Variants in SPIRE1 observed in about 807,000 individuals in gnomAD.
SPIRE1 encodes the protein protein spire homolog 1.
A neutral mutation model predicts 94.1 loss-of-function variants in SPIRE1; 40 were observed. The observed-to-expected ratio is 0.43, with a 90% CI of 0.33 to 0.55. The LOEUF is 0.55. SPIRE1 is among the 20% of genes least tolerant of loss of function. The pLI is 0.06. For synonymous variants in SPIRE1, 376 were observed against 371.7 expected, an observed-to-expected ratio of 1.01 and a Z score of -0.13; for missense variants, 838 against 975.2, an observed-to-expected ratio of 0.86 and a Z score of 1.87.
In SPIRE1 at chr18:12,577,137, AATT is replaced by A. The variant is rs750080861; in HGVS notation, c.373-30236_373-30234del. On this transcript the variant is annotated intron_variant, in intron 2 of 16. Transcript: ENST00000409402. ...ACCCCTGCCTCATACCATATACAAA[AATT>A]ATTATTATTATTATTTTTATTTTTT... is the stretch of plus-strand genomic sequence containing the variant. Among the ~76,000 whole-genome samples the A allele has an allele frequency of 6.6e-4, 100 of 151,862 alleles. 2 individuals are homozygous for A. The highest frequency in any genetic ancestry group is 2.4e-3 in the African/African-American group (98 of 41,442).
chr18:12,484,145 T>C (rs1415186243), intron 9 of SPIRE1, among the ~76,000 whole-genome samples: 2 of 152,176 alleles, frequency 1.3e-5, no homozygotes, highest in African/African-American at 2.4e-5. Context: ...AATGTGTACC[T>C]AATTTAGATT....
At chr18:12,535,711 CT>C in intron 3 of SPIRE1, 110 bp from the exon 4 acceptor site, 1 of 935,668 alleles carries the variant, frequency 1.1e-6, no homozygotes, top group Non-Finnish European at 1.6e-6. Flanking sequence ...AATCCCAGCA[CT>C]TTGGGAGGCC....
intron 3 of SPIRE1, among the ~76,000 whole-genome samples, chr18:12,540,681 G>C (rs1016608337): frequency 3.3e-5 from 5 of 152,096 alleles, no homozygotes; most frequent in African/African-American, 1.2e-4. Flanking sequence ...TGGCCTCTCT[G>C]TTACTTTTTA....
chr18:12,479,020 GT>G (rs1053757112), intron 10 of SPIRE1, among the ~76,000 whole-genome samples: 66 of 151,946 alleles, frequency 4.3e-4, no homozygotes, highest in Admixed American at 1.4e-3. Flanking sequence ...TATGCAAAAT[GT>G]TTTTCTTAAC....
rs372489121 is a variant in SPIRE1, at chr18:12,506,508, C to A, written c.941G>T (p.Arg314Leu). ...TPYEMLMDDI[R>L]CKRYTLRKVM... is the part of the protein sequence containing the mutation. ...TTTTCGCAAGGTGTATCTTTTGCAGCGAATGTCATCCATTAACATCTCATA... is the reference window on the plus strand; with the variant it reads ...TTTTCGCAAGGTGTATCTTTTGCAGAGAATGTCATCCATTAACATCTCATA... Residue 314 changes from arginine to leucine, a missense_variant, in exon 6 of 17, where the codon CGC becomes CTC. Around this residue, in one of 2 missense-constraint regions of SPIRE1, gnomAD observed 645 missense variants for 804.7 expected, o/e 0.80. Transcript: ENST00000409402. The A allele has an allele frequency of 1.2e-5, 20 of 1,613,836 alleles. No homozygotes were observed. The highest frequency in any genetic ancestry group is 1.6e-5 in the Non-Finnish European group (19 of 1,179,972).
chr18:12,657,697 T>C lies in SPIRE1; in HGVS notation c.170A>G (p.Gln57Arg). 1 of 1,405,172 alleles carries C rather than the reference T, an allele frequency of 7.1e-7. No individual in the cohort carries two copies. The highest frequency in any genetic ancestry group is 9.3e-7 in the Non-Finnish European group (1 of 1,072,810). 87.0% of individuals were successfully genotyped at this position (1,405,172 alleles called of 1,614,324 possible). ...RLYNQPINEE[Q>R]AWAVCYQCCG... Reference sequence around the variant, plus strand: ...GCACTGGTAGCACACGGCCCACGCCTGCTCCTCGTTGATGGGCTGGTTGTA... The same window carrying C: ...GCACTGGTAGCACACGGCCCACGCCCGCTCCTCGTTGATGGGCTGGTTGTA... The change falls in exon 1 of 17, where the codon CAG (glutamine) becomes CGG (arginine). Residue 57 changes from glutamine to arginine, a missense_variant. Around this residue, in one of 2 missense-constraint regions of SPIRE1, gnomAD observed 193 missense variants for 170.5 expected, o/e 1.13. Transcript: ENST00000409402.
rs192756581 is a variant in SPIRE1, at chr18:12,448,654, T to C, written c.*984A>G. On this transcript the variant is annotated 3_prime_UTR_variant, in exon 17 of 17. Coordinates refer to ENST00000409402, the MANE Select transcript of SPIRE1 (RefSeq NM_001128626.2). The surrounding 1 kb of genome is among the most constrained non-coding windows in gnomAD (Gnocchi z 4.4). The stretch of plus-strand genomic sequence containing the variant: ...TTTAAAATTCATTTATAAAAATAAA[T>C]TTTAGTTTGAGACCCTAGGTACCAA... The C allele has an allele frequency of 2.5e-3, 384 of 152,286 alleles. No individual in the cohort carries two copies. Among genetic ancestry groups the C allele is most frequent in the African/African-American group, 8.9e-3 (368 of 41,554 alleles). The allele number at this position is 152,286 out of a possible 1,614,324, so 9.4% of individuals were successfully genotyped here. A position where few individuals can be genotyped will look rare whatever the true frequency, so the allele number is the denominator to read the frequency against.
At chr18:12,492,870 A>C (rs1473334056) in intron 8 of SPIRE1, among the ~76,000 whole-genome samples, 1 of 152,166 alleles carries the variant, frequency 6.6e-6, no homozygotes, top group Non-Finnish European at 1.5e-5. Flanking sequence ...CCACCCTATA[A>C]ATTTCAAGTA....
chr18:12,465,067 T>C (rs1001137269), intron 10 of SPIRE1, 109 bp from the exon 11 acceptor site: 106 of 923,044 alleles, frequency 1.1e-4, no homozygotes, highest in Non-Finnish European at 1.6e-4. Context: ...CACCAAAGTA[T>C]GTCAAAGGTT....
chr18:12,634,155 G>A (rs1286618951), intron 2 of SPIRE1, among the ~76,000 whole-genome samples: 2 of 152,064 alleles, frequency 1.3e-5, no homozygotes, highest in African/African-American at 4.8e-5. Flanking sequence ...GGCTGGGGCA[G>A]GAGAATGGCG....
rs571121112 is a variant in SPIRE1, at chr18:12,624,610, T to C, written c.372+10452A>G. Among the ~76,000 whole-genome samples, 21 of 148,088 alleles carry C rather than the reference T, an allele frequency of 1.4e-4. No individual in the cohort carries two copies. The South Asian group carries it at 1.7e-3, about 12-fold the overall frequency. On this transcript the variant is annotated intron_variant, in intron 2 of 16. Transcript: ENST00000409402. ...CTGGGAGGTGTTTAAGCTACCCATA[T>C]AGTAAATATGGTAAACTCTTTTGAG...
chr18:12,631,124 C>T (rs1283518614), intron 2 of SPIRE1, among the ~76,000 whole-genome samples: 3 of 152,046 alleles, frequency 2.0e-5, no homozygotes, highest in South Asian at 2.1e-4. Context: ...GAAGAAGTAC[C>T]TCTGCCATCT....
chr18:12,619,580 G>C (rs947581161), intron 2 of SPIRE1, among the ~76,000 whole-genome samples: 25 of 151,842 alleles, frequency 1.6e-4, no homozygotes, highest in Admixed American at 3.9e-4. Context: ...TAGGCGCAGT[G>C]GCTCATGCCT....
chr18:12,566,123 G>A (rs2035814637), intron 2 of SPIRE1, among the ~76,000 whole-genome samples: 1 of 151,628 alleles, frequency 6.6e-6, no homozygotes, highest in Non-Finnish European at 1.5e-5. Flanking sequence ...ATCACCTGAG[G>A]TCAGGAGTTT....
intron 2 of SPIRE1, among the ~76,000 whole-genome samples, chr18:12,558,467 AG>A (rs2035584336): frequency 6.6e-6 from 1 of 152,212 alleles, no homozygotes; most frequent in Non-Finnish European, 1.5e-5. Context: ...ACAGCATGGA[AG>A]GGGACTCGAG....
At chr18:12,587,258 A>G (rs1368487317) in intron 2 of SPIRE1, among the ~76,000 whole-genome samples, 1 of 152,136 alleles carries the variant, frequency 6.6e-6, no homozygotes, top group Admixed American at 6.5e-5. Context: ...ATGAAGTGAA[A>G]AGAGTACTGG....
chr18:12,626,952 A>T (rs2037648484), intron 2 of SPIRE1, among the ~76,000 whole-genome samples: 1 of 146,402 alleles, frequency 6.8e-6, no homozygotes, highest in African/African-American at 2.5e-5. Context: ...ACAGGTCTGA[A>T]CTCTTTTGTT....
rs1278960493 is a variant in SPIRE1 at position 12,447,899 on chromosome 18, C to T, written c.*1739G>A. ...TTTAAAAACTCAAGCCTGGGGTCAT[C>T]AAAAGGGGTAGATTTATACTCCCAC... is the stretch of plus-strand genomic sequence containing the variant. On this transcript the variant is annotated 3_prime_UTR_variant, in exon 17 of 17. Coordinates refer to ENST00000409402, the MANE Select transcript of SPIRE1 (RefSeq NM_001128626.2). The T allele has an allele frequency of 6.6e-6, 1 of 152,138 alleles. No individual in the cohort carries two copies. Among genetic ancestry groups the T allele is most frequent in the Admixed American group, 6.6e-5 (1 of 15,260 alleles). The allele number at this position is 152,138 out of a possible 1,614,324, so 9.4% of individuals were successfully genotyped here.
At chr18:12,634,398 A>AC (rs2037866336) in intron 2 of SPIRE1, among the ~76,000 whole-genome samples, 1 of 152,044 alleles carries the variant, frequency 6.6e-6, no homozygotes, top group African/African-American at 2.4e-5. Context: ...GGAGTCTAAC[A>AC]CATTTAAATG....
Sources: gnomAD v4.1 joint callset for allele counts (sites outside exome capture counted in the v4.1 genomes callset) on GRCh38, gnomAD v4.1.1 for gene constraint, gnomAD v4.1.1 regional missense constraint, Gnocchi (gnomAD v3.1) non-coding constraint, MANE v1.5 for transcripts, NCBI Gene and HGNC (gene_info 2026-07-23, HGNC 2026-07-21) for gene names.